Variants in WASHC2A observed in about 807,000 individuals in gnomAD.
WASHC2A encodes WASH complex subunit FAM21A.
A neutral mutation model predicts 140.3 loss-of-function variants in WASHC2A; 82 were observed. The observed-to-expected ratio is 0.58, with a 90% CI of 0.49 to 0.70. The LOEUF is 0.70. Ranked by LOEUF, WASHC2A falls within the 30% of genes least tolerant of loss-of-function variation. The pLI is 0.00. For synonymous variants in WASHC2A, 340 were observed against 560.8 expected (o/e 0.61, Z 5.56); for missense variants, 985 against 1,521.8 (o/e 0.65, Z 5.87).
chr10:50,068,701 C>A (rs77986344), intron 2 of WASHC2A, among the ~76,000 whole-genome samples: 3,860 of 146,590 alleles, frequency 0.026, 196 homozygotes, highest in African/African-American at 0.094. Flanking sequence ...TCTGTGATCT[C>A]TGTAGATTGA....
intron 5 of WASHC2A, among the ~76,000 whole-genome samples, chr10:50,082,155 T>TC (rs1471312988): frequency 2.0e-5 from 3 of 149,136 alleles, no homozygotes; most frequent in Admixed American, 6.7e-5. Flanking sequence ...CTTTTTTTTT[T>TC]CCCCTTGCAG....
At chr10:50,071,600 C>T (rs564583948) in intron 3 of WASHC2A, among the ~76,000 whole-genome samples, 23 of 151,142 alleles carry the variant, frequency 1.5e-4, no homozygotes, top group Non-Finnish European at 2.4e-4. Flanking sequence ...CCACGGCGCC[C>T]GGCAAGGGAA....
intron 17 of WASHC2A, among the ~76,000 whole-genome samples, chr10:50,100,338 T>C (rs1421597767): frequency 0.28 from 41,001 of 147,382 alleles, 6,462 homozygotes; most frequent in Middle Eastern, 0.39. Context: ...AAAAATTAGC[T>C]GGGTATGGTG....
rs547485067 is a variant in WASHC2A at position 50,076,816 on chromosome 10, TA to T, written c.292-1844del. On this transcript the variant is annotated intron_variant, in intron 3 of 30. Transcript: ENST00000282633. ...CAACATGGTGAAACCCCATCTCTAC[TA>T]AAAAAAAAAAAAAATGCAGGCCGGG... Among the ~76,000 whole-genome samples the T allele has an allele frequency of 4.4e-3, 517 of 116,614 alleles. 4 individuals carry two copies. The highest frequency in any genetic ancestry group is 0.013 in the African/African-American group (347 of 27,720). The allele number at this position is 116,614 out of a possible 152,430, so 76.5% of individuals were successfully genotyped here.
At chr10:50,110,841 T>C (rs1372881195) in intron 20 of WASHC2A, among the ~76,000 whole-genome samples, 40 of 133,768 alleles carry the variant, frequency 3.0e-4, no homozygotes, top group Admixed American at 1.1e-3. Context: ...TGCAGTGAGC[T>C]GAGATGGCAC....
At chr10:50,113,189 G>A (rs1299599667) in intron 20 of WASHC2A, among the ~76,000 whole-genome samples, 1 of 151,298 alleles carries the variant, frequency 6.6e-6, no homozygotes, top group Non-Finnish European at 1.5e-5. Context: ...GCAACATAGA[G>A]CGACCTCACC....
intron 21 of WASHC2A, among the ~76,000 whole-genome samples, chr10:50,116,127 AAAG>A (rs1412745648): frequency 1.3e-4 from 17 of 132,786 alleles, no homozygotes; most frequent in African/African-American, 4.0e-4. Flanking sequence ...AAAAAAAAAA[AAAG>A]AAAGAAAAAA....
rs577899274 is a variant in WASHC2A, at chr10:50,129,854, C to T, written c.3523C>T (p.Leu1175=). Residue 1175 remains leucine, a synonymous_variant, in exon 29 of 31, where the codon CTA becomes TTA. Transcript: ENST00000282633. The part of the protein sequence containing the change: ...GKAKSPMFPA[L]GEASSDDDLF... Reference sequence around the variant, plus strand: ...AGCAAAGAGCCCCATGTTTCCTGCTCTAGGTGAGGCCAGCAGTGATGATGA... The same window carrying T: ...AGCAAAGAGCCCCATGTTTCCTGCTTTAGGTGAGGCCAGCAGTGATGATGA... 1.2e-6 allele frequency: 2 copies of T among 1,612,040 alleles called. No homozygotes were observed. The highest frequency in any genetic ancestry group is 1.7e-6 in the Non-Finnish European group (2 of 1,179,864).
intron 2 of WASHC2A, 150 bp downstream of exon 2, chr10:50,068,377 A>G: frequency 1.3e-5 from 15 of 1,192,352 alleles, no homozygotes; most frequent in Non-Finnish European, 1.7e-5. Flanking sequence ...CGAGAATGCC[A>G]CCCTGGCAGT....
At position 50,132,708 on chromosome 10, in the gene WASHC2A, T is replaced by C; in HGVS notation, c.3887-98T>C. The C allele has an allele frequency of 5.0e-6, 8 of 1,610,106 alleles. No homozygotes were observed. The South Asian group carries it at 8.8e-5, about 18-fold the overall frequency. On this transcript the variant is annotated intron_variant, in intron 30 of 30. Transcript: ENST00000282633. Reference sequence around the variant, plus strand: ...TAGTGTTTTAGGGTACTCCATGCTGTTACCAGAGCTGGGTCTTTGGTGGTT... The same window carrying C: ...TAGTGTTTTAGGGTACTCCATGCTGCTACCAGAGCTGGGTCTTTGGTGGTT...
intron 21 of WASHC2A, among the ~76,000 whole-genome samples, chr10:50,115,679 TG>T (rs1554891723): frequency 7.2e-6 from 1 of 139,710 alleles, no homozygotes; most frequent in Non-Finnish European, 1.5e-5. Flanking sequence ...CCTGTCAGTG[TG>T]ATATTTGACA....
Position 50,095,623 on chromosome 10 carries a change from C to T in WASHC2A, c.1265C>T (p.Ala422Val). The T allele has an allele frequency of 1.9e-6, 3 of 1,611,916 alleles. No homozygotes were observed. Among genetic ancestry groups the T allele is most frequent in the Non-Finnish European group, 2.5e-6 (3 of 1,179,838 alleles). Reference protein sequence around the residue: ...FLGDTDVFGAASVPSMKEPQK... With the variant: ...FLGDTDVFGAVSVPSMKEPQK... ...GGAGACACGGATGTGTTTGGTGCTGCCTCCGTTCCATCAATGAAGGAGCCA... is the reference window on the plus strand; with the variant it reads ...GGAGACACGGATGTGTTTGGTGCTGTCTCCGTTCCATCAATGAAGGAGCCA... The change falls in exon 15 of 31, where the codon GCC becomes GTC. Residue 422 changes from alanine to valine, a missense_variant. By Grantham distance (64) the Ala-to-Val change is moderately conservative. Coordinates refer to ENST00000282633, the MANE Select transcript of WASHC2A (RefSeq NM_001005751.3).
At chr10:50,109,732 T>C (rs1842106180) in intron 19 of WASHC2A, among the ~76,000 whole-genome samples, 1 of 152,196 alleles carries the variant, frequency 6.6e-6, no homozygotes, top group Non-Finnish European at 1.5e-5. Flanking sequence ...ATAAGTTTGA[T>C]TTTACTCCCC....
intron 17 of WASHC2A, among the ~76,000 whole-genome samples, chr10:50,103,440 G>T (rs1219276583): frequency 0.011 from 1,688 of 152,198 alleles, 32 homozygotes; most frequent in African/African-American, 0.039. Flanking sequence ...GGCGCCTGTA[G>T]TCTCAGCTAC....
chr10:50,090,655 C>A lies in WASHC2A; in HGVS notation c.733-121C>A, dbSNP rs1589190520. The A allele has an allele frequency of 1.5e-5, 12 of 820,152 alleles. No homozygotes were observed. The East Asian group carries it at 3.8e-4, about 26-fold the overall frequency. 50.8% of individuals were successfully genotyped at this position (820,152 alleles called of 1,614,324 possible). ...TCTTTTGCTTCATAACTTGCTGCATCATGTTTATGATTATTATTTTAAAAA... is the reference window on the plus strand; with the variant it reads ...TCTTTTGCTTCATAACTTGCTGCATAATGTTTATGATTATTATTTTAAAAA... On this transcript the variant is annotated intron_variant, in intron 8 of 30. Transcript: ENST00000282633.
intron 13 of WASHC2A, 114 bp downstream of exon 13, chr10:50,094,031 C>A (rs1840188033): frequency 1.4e-5 from 22 of 1,563,302 alleles, no homozygotes; most frequent in Non-Finnish European, 1.9e-5. Context: ...AAGCAGGAAG[C>A]TGTTGTTTTT....
Position 50,129,962 on chromosome 10 carries a change from G to A in WASHC2A, c.3631G>A (p.Asp1211Asn), listed in dbSNP as rs1843793734. 6.2e-7 allele frequency: 1 copy of A among 1,611,976 alleles called. No homozygotes were observed. The highest frequency in any genetic ancestry group is 2.2e-5 in the East Asian group (1 of 44,868). ...GGAAGATGAGGATGACCTCTTTACA[G>A]ATCAGAAAGTCAAGAAGAATGAGAC... is the stretch of plus-strand genomic sequence containing the variant. Reference protein sequence around the residue: ...LLEDEDDLFTDQKVKKNETKS... With the variant: ...LLEDEDDLFTNQKVKKNETKS... Residue 1211 changes from aspartate to asparagine, a missense_variant, in exon 29 of 31, where the codon GAT (aspartate) becomes AAT (asparagine). Physicochemically the swap from Asp to Asn is conservative, Grantham distance 23. Coordinates refer to ENST00000282633, the MANE Select transcript of WASHC2A (RefSeq NM_001005751.3).
Position 50,083,718 on chromosome 10 carries a change from C to T in WASHC2A, c.529-354C>T, listed in dbSNP as rs1273673318. Among the ~76,000 whole-genome samples the T allele has an allele frequency of 7.0e-5, 8 of 114,024 alleles. 1 individual carries two copies. The highest frequency in any genetic ancestry group is 2.6e-4 in the African/African-American group (7 of 26,942). The allele number at this position is 114,024 out of a possible 152,430, so 74.8% of individuals were successfully genotyped here. On this transcript the variant is annotated intron_variant, in intron 5 of 30. Coordinates refer to ENST00000282633, the MANE Select transcript of WASHC2A (RefSeq NM_001005751.3). ...ATGACAGTTACCCGCCACCATGTCC[C>T]GCTAATTTTTTTGGATTTTTAGTAG...
intron 28 of WASHC2A, among the ~76,000 whole-genome samples, chr10:50,128,475 C>G (rs1469383073): frequency 1.3e-5 from 2 of 152,194 alleles, no homozygotes; most frequent in African/African-American, 4.8e-5. Flanking sequence ...GTTTTCCTTT[C>G]ATTGTAGTTG....
Sources: allele counts gnomAD v4.1 joint callset (sites outside exome capture counted in the v4.1 genomes callset), GRCh38; gene constraint gnomAD v4.1.1; transcripts MANE v1.5; gene names NCBI Gene and HGNC (gene_info 2026-07-23, HGNC 2026-07-21).